The following STK10 variants were observed in gnomAD, a reference collection of about 807,000 sequenced individuals.
STK10 encodes the protein serine/threonine-protein kinase 10.
A neutral mutation model predicts 113.8 loss-of-function variants in STK10; 78 were observed. The observed-to-expected ratio is 0.69, with a 90% CI of 0.57 to 0.83. STK10 has a LOEUF of 0.83. Ranked by LOEUF, STK10 falls within the 40% of genes least tolerant of loss-of-function variation. The pLI, the probability that STK10 is intolerant of heterozygous loss-of-function variation, is 0.00. For synonymous variants in STK10, 465 were observed against 494.7 expected (o/e 0.94, Z 0.80); for missense variants, 1,109 against 1,280.1 (o/e 0.87, Z 2.04).
At chr5:172,087,074 T>G (rs981988093) in intron 10 of STK10, among the ~76,000 whole-genome samples, 3 of 149,578 alleles carry the variant, frequency 2.0e-5, no homozygotes, top group African/African-American at 7.4e-5. Context: ...AAGCAACCTG[T>G]GCCCTAGCCT....
rs1028864430 is a variant in STK10 at position 172,133,730 on chromosome 5, C to T, written c.322-6309G>A. ...CAGGAAAACGGAGAACAAGCCTGCT[C>T]CCTACTGACTTTTTAGGCAGAATAT... On this transcript the variant is annotated intron_variant, in intron 2 of 18. Transcript: ENST00000176763. The surrounding 1 kb of genome is among the most constrained non-coding windows in gnomAD (Gnocchi z 4.9). Among the ~76,000 whole-genome samples, 1 of 152,194 alleles carries T rather than the reference C, an allele frequency of 6.6e-6. No homozygotes were observed. The highest frequency in any genetic ancestry group is 1.5e-5 in the Non-Finnish European group (1 of 68,038).
chr5:172,105,465 G>T (rs1200791366), intron 7 of STK10, 191 bp downstream of exon 7: 3 of 611,614 alleles, frequency 4.9e-6, no homozygotes, highest in Non-Finnish European at 8.7e-6. Context: ...AGGTCTGGGT[G>T]GCTTCGTTCC....
intron 3 of STK10, among the ~76,000 whole-genome samples, chr5:172,118,954 T>TTTTCTCTCTCTCTTC (rs1247221882): frequency 9.7e-4 from 147 of 150,888 alleles, no homozygotes; most frequent in Admixed American, 2.1e-3. Flanking sequence ...TGAGGAAGCT[T>TTTTCTCTCTCTCTTC]TTTCTCTCTC....
intron 2 of STK10, among the ~76,000 whole-genome samples, chr5:172,143,319 C>T (rs1237175964): frequency 2.6e-5 from 4 of 152,090 alleles, no homozygotes; most frequent in African/African-American, 7.2e-5. Context: ...GAGCCGAGAT[C>T]GTGCCACTGC....
intron 10 of STK10, among the ~76,000 whole-genome samples, chr5:172,083,925 G>GAAAAAAAAAAAAA (rs58326550): frequency 2.0e-4 from 17 of 85,720 alleles, no homozygotes; most frequent in South Asian, 4.4e-4. Context: ...ACAAAAAAAA[G>GAAAAAAAAAAAAA]AAAAAAAAAA....
intron 12 of STK10, among the ~76,000 whole-genome samples, chr5:172,069,300 G>A (rs193301114): frequency 1.3e-5 from 2 of 152,132 alleles, no homozygotes; most frequent in East Asian, 3.9e-4. Flanking sequence ...AGAAACCCAT[G>A]TTAAATATAA....
intron 7 of STK10, 40 bp from the exon 8 acceptor site, chr5:172,096,600 G>T (rs765208589): frequency 6.2e-7 from 1 of 1,604,430 alleles, no homozygotes; most frequent in South Asian, 1.1e-5. Context: ...ACCACTCTGG[G>T]GTCACGGTGG....
At chr5:172,138,188 C>T (rs1769905795) in intron 2 of STK10, among the ~76,000 whole-genome samples, 2 of 152,148 alleles carry the variant, frequency 1.3e-5, no homozygotes, top group African/African-American at 4.8e-5. Flanking sequence ...GTGGCACAAT[C>T]TTGGCTCACT....
Position 172,108,039 on chromosome 5 carries a change from C to T in STK10, c.521-187G>A, listed in dbSNP as rs1049218142. On this transcript the variant is annotated intron_variant, in intron 4 of 18. Transcript: ENST00000176763. ...GAAGTACCGAGATGAACACTTTCCT[C>T]TCTACTAACGAGAGCCTGCACTGGC... The T allele has an allele frequency of 9.5e-5, 54 of 565,832 alleles. 1 individual carries two copies. The highest frequency in any genetic ancestry group is 9.4e-5 in the Non-Finnish European group (30 of 318,976). 35.1% of individuals were successfully genotyped at this position (565,832 alleles called of 1,614,324 possible). A position where few individuals can be genotyped will look rare whatever the true frequency, so the allele number is the denominator to read the frequency against.
chr5:172,078,041 C>A (rs10069309), intron 12 of STK10, among the ~76,000 whole-genome samples: 25,622 of 152,142 alleles, frequency 0.17, 2,397 homozygotes, highest in African/African-American at 0.24. Context: ...GCTGCTGCAT[C>A]CTGACCACTA....
At chr5:172,180,955 G>A (rs1340941300) in intron 1 of STK10, among the ~76,000 whole-genome samples, 1 of 152,206 alleles carries the variant, frequency 6.6e-6, no homozygotes, top group African/African-American at 2.4e-5. Context: ...TAATGCTAAG[G>A]TCGTATTTGG....
chr5:172,124,964 A>G (rs753446296), intron 3 of STK10, among the ~76,000 whole-genome samples: 16 of 152,178 alleles, frequency 1.1e-4, no homozygotes, highest in Non-Finnish European at 1.8e-4. Flanking sequence ...ATCATTTTCA[A>G]TACTGGAGGT....
intron 1 of STK10, among the ~76,000 whole-genome samples, chr5:172,183,414 T>C (rs542736579): frequency 6.6e-6 from 1 of 151,978 alleles, no homozygotes; most frequent in Non-Finnish European, 1.5e-5. Context: ...AAGATTATTT[T>C]CAGTGATAAG....
chr5:172,120,824 T>C lies in STK10; in HGVS notation c.371-3194A>G, dbSNP rs1416669902. On this transcript the variant is annotated intron_variant, in intron 3 of 18. Coordinates refer to ENST00000176763, the MANE Select transcript of STK10 (RefSeq NM_005990.4). This position sits in a 1 kb window ranked among gnomAD's most constrained non-coding sequence, Gnocchi z 4.0. ...CTTGCTCATGTCTAATTTACTGATA[T>C]AAATGAAATAGGAATGACAAAAATA... Among the ~76,000 whole-genome samples, 1 of 152,148 alleles carries C rather than the reference T, an allele frequency of 6.6e-6. No homozygotes were observed. Among genetic ancestry groups the C allele is most frequent in the Non-Finnish European group, 1.5e-5 (1 of 68,022 alleles).
chr5:172,142,014 A>T (rs965450411), intron 2 of STK10, among the ~76,000 whole-genome samples: 8 of 152,190 alleles, frequency 5.3e-5, no homozygotes, highest in African/African-American at 1.4e-4. Flanking sequence ...TGTTTTAGCC[A>T]CTGGGAATAC....
At position 172,187,496 on chromosome 5, in the gene STK10, A is replaced by T. The variant is rs576254402; in HGVS notation, c.156+391T>A. 1.2e-4 allele frequency among the ~76,000 whole-genome samples: 18 copies of T among 148,468 alleles called. No homozygotes were observed. The highest frequency in any genetic ancestry group is 3.7e-4 in the African/African-American group (15 of 40,462). On this transcript the variant is annotated intron_variant, in intron 1 of 18. Transcript: ENST00000176763. The surrounding 1 kb of genome is among the most constrained non-coding windows in gnomAD (Gnocchi z 4.6). ...TCCCACAGCATCTGTGGTCTCTCTT[A>T]AAAAAAAAAGTGTGCCCGTATCGCC...
intron 1 of STK10, among the ~76,000 whole-genome samples, chr5:172,181,476 ATTTAT>A (rs1476880316): frequency 1.4e-5 from 2 of 145,622 alleles, no homozygotes; most frequent in African/African-American, 5.4e-5. Flanking sequence ...CGATTATTTA[ATTTAT>A]TTTAATTTTT....
chr5:172,068,909 C>T (rs538729555), intron 12 of STK10, among the ~76,000 whole-genome samples: 5 of 149,756 alleles, frequency 3.3e-5, no homozygotes, highest in African/African-American at 9.8e-5. Context: ...AAACCAAAAA[C>T]GTGACAATTA....
At chr5:172,143,474 C>T (rs1342272572) in intron 2 of STK10, among the ~76,000 whole-genome samples, 2 of 152,214 alleles carry the variant, frequency 1.3e-5, no homozygotes, top group Non-Finnish European at 2.9e-5. Flanking sequence ...ATCCCCTCAC[C>T]TCCCTGGGCT....
Sources: gnomAD v4.1 joint callset for allele counts (sites outside exome capture counted in the v4.1 genomes callset) on GRCh38, gnomAD v4.1.1 for gene constraint, Gnocchi (gnomAD v3.1) non-coding constraint, MANE v1.5 for transcripts, NCBI Gene and HGNC (gene_info 2026-07-23, HGNC 2026-07-21) for gene names.